Variants in MOV10L1 observed in about 807,000 individuals in gnomAD.
The protein encoded by MOV10L1 is RNA helicase Mov10l1.
MOV10L1 carries 110 observed loss-of-function variants against 143.8 expected under a neutral mutation model. The observed-to-expected ratio is 0.76, with a 90% confidence interval of 0.66 to 0.90. MOV10L1 has a LOEUF of 0.90. MOV10L1 is among the 40% of genes least tolerant of loss of function. MOV10L1 has a pLI of 0.00. For missense variants in MOV10L1, 1,406 were observed against 1,526.8 expected, an observed-to-expected ratio of 0.92 and a Z score of 1.32; for synonymous variants, 593 against 581.1, an observed-to-expected ratio of 1.02 and a Z score of -0.29.
Position 50,158,540 on chromosome 22 carries a change from T to A in MOV10L1, c.3216+334T>A. On this transcript the variant is annotated intron_variant, in intron 23 of 26. Coordinates refer to ENST00000262794, the MANE Select transcript of MOV10L1 (RefSeq NM_018995.3). This position sits in a 1 kb window ranked among gnomAD's most constrained non-coding sequence, Gnocchi z 5.0. ...CCCAGTGTTTCTCAAAGGGGGCACT[T>A]TGGGTATATTTGAATGGGACGCTTC... is the stretch of plus-strand genomic sequence containing the variant. 3.7e-6 allele frequency: 1 copy of A among 272,450 alleles called. No homozygotes were observed. The allele number at this position is 272,450 out of a possible 1,614,324, so 16.9% of individuals were successfully genotyped here.
In MOV10L1 at chr22:50,113,673, A is replaced by C. The variant is rs763043849; in HGVS notation, c.769A>C (p.Thr257Pro). 1.2e-6 allele frequency: 2 copies of C among 1,613,894 alleles called. No individual in the cohort carries two copies. Among genetic ancestry groups the C allele is most frequent in the Middle Eastern group, 3.3e-4 (2 of 6,062 alleles). Residue 257 changes from threonine (T) to proline (P), a missense_variant, in exon 6 of 27, where the codon ACT (threonine) becomes CCT (proline). Coordinates refer to ENST00000262794, the MANE Select transcript of MOV10L1 (RefSeq NM_018995.3). ...RRDAAPVHEA[T>P]HFYGTILLKN... ...AGACGCCGCCCCTGTTCATGAGGCC[A>C]CTCATTTCTATGGAACGATTTTGCT...
chr22:50,096,808 T>C (rs1485575798), intron 2 of MOV10L1, among the ~76,000 whole-genome samples: 1 of 152,224 alleles, frequency 6.6e-6, no homozygotes, highest in Non-Finnish European at 1.5e-5. Context: ...CTCAAATCCT[T>C]TGCCCGTTTT....
At position 50,149,480 on chromosome 22, in the gene MOV10L1, C is replaced by A. The variant is rs1029561498; in HGVS notation, c.2628-135C>A. On this transcript the variant is annotated intron_variant, in intron 19 of 26. Transcript: ENST00000262794. ...TCCCTCCAGCCGGGTGACACCCAGA[C>A]CCCCAGCTCCTGCACACCCCTGGGC... 1.5e-5 allele frequency: 11 copies of A among 735,680 alleles called. No individual in the cohort carries two copies. In the Admixed American group the frequency reaches 2.8e-4, roughly 19 times the overall value. 45.6% of individuals were successfully genotyped at this position (735,680 alleles called of 1,614,324 possible). A position where few individuals can be genotyped will look rare whatever the true frequency, so the allele number is the denominator to read the frequency against.
At chr22:50,106,088 A>G (rs537139270) in intron 3 of MOV10L1, among the ~76,000 whole-genome samples, 11 of 152,216 alleles carry the variant, frequency 7.2e-5, no homozygotes, top group Admixed American at 1.3e-4. Flanking sequence ...TTAATTTACA[A>G]TGGCATTCAC....
Position 50,158,725 on chromosome 22 carries a change from C to G in MOV10L1, c.3216+519C>G, listed in dbSNP as rs1390540691. On this transcript the variant is annotated intron_variant, in intron 23 of 26. Transcript: ENST00000262794. The surrounding 1 kb of genome is among the most constrained non-coding windows in gnomAD (Gnocchi z 5.0). ...CGAACACCAGGTTTCATTCATGAAG[C>G]ATGTGTCCCTGTGGTGTTCACACCA... 1.3e-5 allele frequency: 2 copies of G among 155,638 alleles called. No individual in the cohort carries two copies. Among genetic ancestry groups the G allele is most frequent in the African/African-American group, 4.8e-5 (2 of 41,426 alleles). The allele number at this position is 155,638 out of a possible 1,614,324, so 9.6% of individuals were successfully genotyped here.
In MOV10L1 at chr22:50,125,545, G is replaced by A. The variant is rs760413650; in HGVS notation, c.1723G>A (p.Glu575Lys). ...GGTTCTGGAGGTCCCAGGGTTGGCC[G>A]AAGGGAGGCCTTCTCTCTACGCAGG... ...LLVLEVPGLA[E>K]GRPSLYAGDK... The change falls in exon 11 of 27, where the codon GAA becomes AAA. Residue 575 changes from glutamate to lysine, a missense_variant. Glu to Lys is a moderately conservative substitution (Grantham distance 56, BLOSUM62 1). Transcript: ENST00000262794. 9 of 1,614,050 alleles carry A rather than the reference G, an allele frequency of 5.6e-6. No individual in the cohort carries two copies. Among genetic ancestry groups the A allele is most frequent in the Admixed American group, 1.7e-5 (1 of 60,002 alleles).
intron 1 of MOV10L1, 133 bp from the exon 2 acceptor site, chr22:50,091,868 C>T: frequency 1.3e-6 from 1 of 768,978 alleles, no homozygotes; most frequent in South Asian, 1.8e-5. Flanking sequence ...TGTCTCAAGT[C>T]AGCCCGTTCG....
Position 50,144,799 on chromosome 22 carries a change from T to C in MOV10L1, c.2505+556T>C, listed in dbSNP as rs1264775251. Reference sequence around the variant, plus strand: ...AGTTTCACCGTGTTAGCCAGGATGGTCTCGATCTCCTGACCTCATGATCTG... The same window carrying C: ...AGTTTCACCGTGTTAGCCAGGATGGCCTCGATCTCCTGACCTCATGATCTG... On this transcript the variant is annotated intron_variant, in intron 18 of 26. Transcript: ENST00000262794. 8.5e-5 allele frequency among the ~76,000 whole-genome samples: 13 copies of C among 152,206 alleles called. 2 individuals carry two copies. In the East Asian group the frequency reaches 1.5e-3, roughly 18 times the overall value.
intron 2 of MOV10L1, chr22:50,095,603 A>G (rs1056599776): frequency 6.6e-6 from 1 of 152,222 alleles, no homozygotes; most frequent in African/African-American, 2.4e-5. Context: ...AGGTTCTCAT[A>G]CCAAATTCCC....
In MOV10L1 at chr22:50,161,464, C is replaced by T. The variant is rs888411992; in HGVS notation, c.*15C>T. The T allele has an allele frequency of 6.4e-7, 1 of 1,571,744 alleles. No individual in the cohort carries two copies. Among genetic ancestry groups the T allele is most frequent in the Non-Finnish European group, 8.6e-7 (1 of 1,158,300 alleles). On this transcript the variant is annotated 3_prime_UTR_variant, in exon 27 of 27. Transcript: ENST00000262794. ...AGCCCAGCTGATCTGCAGTGGCTGA[C>T]AGCAGGGAGGCCATGTGCTCAGCCT...
Position 50,159,553 on chromosome 22 carries a change from G to T in MOV10L1, c.3217-125G>T. 1 of 533,848 alleles carries T rather than the reference G, an allele frequency of 1.9e-6. No homozygotes were observed. Among genetic ancestry groups the T allele is most frequent in the Non-Finnish European group, 3.2e-6 (1 of 309,616 alleles). The allele number at this position is 533,848 out of a possible 1,614,324, so 33.1% of individuals were successfully genotyped here. A position where few individuals can be genotyped will look rare whatever the true frequency, so the allele number is the denominator to read the frequency against. On this transcript the variant is annotated intron_variant, in intron 23 of 26. Coordinates refer to ENST00000262794, the MANE Select transcript of MOV10L1 (RefSeq NM_018995.3). The surrounding 1 kb of genome is among the most constrained non-coding windows in gnomAD (Gnocchi z 4.1). Reference sequence around the variant, plus strand: ...GGAGGCAGAGGTTGCAGTGAGCCGAGATCACGCCACTGCACTGCAGCCTGG... The same window carrying T: ...GGAGGCAGAGGTTGCAGTGAGCCGATATCACGCCACTGCACTGCAGCCTGG...
chr22:50,142,649 C>A (rs535873907), intron 16 of MOV10L1, among the ~76,000 whole-genome samples: 4 of 150,860 alleles, frequency 2.7e-5, no homozygotes, highest in South Asian at 2.1e-4. Flanking sequence ...GACAACATGG[C>A]GAAACCTTGT....
At chr22:50,091,286 C>T (rs903290111) in intron 1 of MOV10L1, 1 of 167,328 alleles carries the variant, frequency 6.0e-6, no homozygotes, top group African/African-American at 2.4e-5. Flanking sequence ...CCAGGTTCCT[C>T]CCGTGGCTGG....
At position 50,159,638 on chromosome 22, in the gene MOV10L1, A is replaced by G. The variant is rs762518688; in HGVS notation, c.3217-40A>G. ...AGGAAAAGAAAAGAAATGGATTTGT[A>G]CAGTGTTATCTTTAGTCTTTCTTTT... On this transcript the variant is annotated intron_variant, in intron 23 of 26. Coordinates refer to ENST00000262794, the MANE Select transcript of MOV10L1 (RefSeq NM_018995.3). This position sits in a 1 kb window ranked among gnomAD's most constrained non-coding sequence, Gnocchi z 4.1. The G allele has an allele frequency of 1.6e-6, 2 of 1,278,774 alleles. No homozygotes were observed. The highest frequency in any genetic ancestry group is 2.2e-6 in the Non-Finnish European group (2 of 897,908). The allele number at this position is 1,278,774 out of a possible 1,614,324, so 79.2% of individuals were successfully genotyped here. A position where few individuals can be genotyped will look rare whatever the true frequency, so the allele number is the denominator to read the frequency against.
In MOV10L1 at chr22:50,090,339, C is replaced by T. The variant is rs2062395770; in HGVS notation, c.97+154C>T. 4.7e-6 allele frequency: 7 copies of T among 1,501,120 alleles called. No homozygotes were observed. The South Asian group carries it at 5.2e-5, about 11-fold the overall frequency. The allele number at this position is 1,501,120 out of a possible 1,614,324, so 93.0% of individuals were successfully genotyped here. Reference sequence around the variant, plus strand: ...CTCCGCTGGCGGGGATCCCCGTTCGCCTCAGGAGGCTTCCGACCCCACAGC... The same window carrying T: ...CTCCGCTGGCGGGGATCCCCGTTCGTCTCAGGAGGCTTCCGACCCCACAGC... On this transcript the variant is annotated intron_variant, in intron 1 of 26. Coordinates refer to ENST00000262794, the MANE Select transcript of MOV10L1 (RefSeq NM_018995.3).
intron 5 of MOV10L1, among the ~76,000 whole-genome samples, chr22:50,112,902 G>A (rs2062061998): frequency 6.6e-6 from 1 of 152,192 alleles, no homozygotes; most frequent in East Asian, 1.9e-4. Context: ...GTCACACCAG[G>A]GCACACAGAG....
intron 10 of MOV10L1, among the ~76,000 whole-genome samples, chr22:50,123,474 C>T (rs2062410790): frequency 6.6e-6 from 1 of 152,204 alleles, no homozygotes; most frequent in African/African-American, 2.4e-5. Flanking sequence ...AAGCAATCCT[C>T]CCACCTCAGT....
In MOV10L1 at chr22:50,131,944, G is replaced by T. The variant is rs971581101; in HGVS notation, c.1911-2063G>T. Among the ~76,000 whole-genome samples, 9 of 152,294 alleles carry T rather than the reference G, an allele frequency of 5.9e-5. No homozygotes were observed. In the East Asian group the frequency reaches 1.5e-3, roughly 26 times the overall value. On this transcript the variant is annotated intron_variant, in intron 13 of 26. Coordinates refer to ENST00000262794, the MANE Select transcript of MOV10L1 (RefSeq NM_018995.3). ...TGCTCTGGAGGTCAGGAAGCCCAAGGTCAAGGCACCAGCAGGTTCAGTGTC... is the reference window on the plus strand; with the variant it reads ...TGCTCTGGAGGTCAGGAAGCCCAAGTTCAAGGCACCAGCAGGTTCAGTGTC...
intron 12 of MOV10L1, among the ~76,000 whole-genome samples, chr22:50,127,407 C>T (rs1413404488): frequency 6.6e-6 from 1 of 152,234 alleles, no homozygotes; most frequent in East Asian, 1.9e-4. Flanking sequence ...TGCACCTGTT[C>T]TCAAGTAGAC....
Sources: gnomAD v4.1 joint callset for allele counts (sites outside exome capture counted in the v4.1 genomes callset) on GRCh38, gnomAD v4.1.1 for gene constraint, Gnocchi (gnomAD v3.1) non-coding constraint, MANE v1.5 for transcripts, NCBI Gene and HGNC (gene_info 2026-07-23, HGNC 2026-07-21) for gene names.